Variants in CCDC171 observed in about 807,000 individuals in gnomAD.
CCDC171 encodes coiled-coil domain containing 171.
A neutral mutation model predicts 168.2 loss-of-function variants in CCDC171; 177 were observed. The ratio of observed to expected loss-of-function variants is 1.05; its 90% CI spans 0.93 to 1.19. CCDC171 has a LOEUF of 1.19. Ranked by LOEUF, CCDC171 falls within the 50% of genes most tolerant of loss-of-function variation. CCDC171 has a pLI of 0.00. For synonymous variants in CCDC171, 687 were observed against 540.8 expected, an observed-to-expected ratio of 1.27 and a Z score of -3.75; for missense variants, 1,991 against 1,539.0, an observed-to-expected ratio of 1.29 and a Z score of -4.91.
intron 6 of CCDC171, among the ~76,000 whole-genome samples, chr9:15,611,109 GT>G (rs1320304554): frequency 6.6e-6 from 1 of 152,080 alleles, no homozygotes; most frequent in African/African-American, 2.4e-5. Flanking sequence ...ATTTAAAAGT[GT>G]GTAGCGCCTC....
intron 23 of CCDC171, among the ~76,000 whole-genome samples, chr9:15,863,397 G>T (rs2061642721): frequency 6.6e-6 from 1 of 151,978 alleles, no homozygotes; most frequent in African/African-American, 2.4e-5. Context: ...GTGTGTCCAT[G>T]GGGGAAGGAG....
chr9:15,610,967 A>G (rs2131844708), intron 6 of CCDC171, among the ~76,000 whole-genome samples: 1 of 152,212 alleles, frequency 6.6e-6, no homozygotes, highest in African/African-American at 2.4e-5. Context: ...CTCATATTGA[A>G]ATGTAATCAC....
rs1339252444 is a variant in CCDC171 at position 15,567,887 on chromosome 9, C to G, written c.42-3737C>G. Among the ~76,000 whole-genome samples the G allele has an allele frequency of 2.0e-5, 3 of 152,064 alleles. 1 individual carries two copies. The highest frequency in any genetic ancestry group is 6.5e-5 in the Admixed American group (1 of 15,270). On this transcript the variant is annotated intron_variant, in intron 2 of 25. Coordinates refer to ENST00000380701, the MANE Select transcript of CCDC171 (RefSeq NM_173550.4). ...CAGGCTGGTCTTGAACTCCTGGCCT[C>G]AAGTGATCCTCCTGCCTTGGCTTCC...
chr9:15,563,891 A>G (rs1181442055), intron 1 of CCDC171, 87 bp from the exon 2 acceptor site: 2 of 533,724 alleles, frequency 3.7e-6, no homozygotes, highest in Non-Finnish European at 3.3e-6. Flanking sequence ...CAATTATTAC[A>G]TCTTTCCAAA....
chr9:15,715,056 A>G (rs1363901626), intron 11 of CCDC171, among the ~76,000 whole-genome samples: 1 of 152,162 alleles, frequency 6.6e-6, no homozygotes, highest in Non-Finnish European at 1.5e-5. Context: ...AATTCAGGGA[A>G]CCCATTTTGA....
intron 22 of CCDC171, among the ~76,000 whole-genome samples, chr9:15,848,002 G>T (rs1181802999): frequency 6.6e-6 from 1 of 151,958 alleles, no homozygotes; most frequent in Non-Finnish European, 1.5e-5. Context: ...AGTTTTTGTT[G>T]TTATTGTTCA....
downstream of CCDC171, among the ~76,000 whole-genome samples, chr9:16,065,172 T>C (rs1215900619): frequency 6.6e-6 from 1 of 152,208 alleles, no homozygotes; most frequent in Non-Finnish European, 1.5e-5. Flanking sequence ...GATAAAATTT[T>C]CATAAGGGAA....
At chr9:15,669,950 CT>C (rs1181880478) in intron 9 of CCDC171, among the ~76,000 whole-genome samples, 4 of 55,442 alleles carry the variant, frequency 7.2e-5, no homozygotes, top group Non-Finnish European at 1.0e-4. Flanking sequence ...TAGCTGAAGT[CT>C]TAAAAAAAAA....
chr9:15,557,541 C>G (rs192547734), intron 1 of CCDC171, among the ~76,000 whole-genome samples: 2 of 151,498 alleles, frequency 1.3e-5, no homozygotes, highest in Non-Finnish European at 3.0e-5. Context: ...GGCTTTCTGT[C>G]TGTTATTGGT....
intron 14 of CCDC171, among the ~76,000 whole-genome samples, chr9:15,725,365 C>A (rs1285911864): frequency 6.6e-6 from 1 of 152,166 alleles, no homozygotes; most frequent in Non-Finnish European, 1.5e-5. Context: ...TAGACCTGAA[C>A]TTGGATGCTA....
intron 1 of CCDC171, among the ~76,000 whole-genome samples, chr9:16,047,567 C>T (rs1833681071): frequency 6.6e-6 from 1 of 152,276 alleles, no homozygotes; most frequent in South Asian, 2.1e-4. Flanking sequence ...GATATATGAC[C>T]ATCACCAAAT....
intron 21 of CCDC171, among the ~76,000 whole-genome samples, chr9:15,835,183 A>G (rs1212943364): frequency 2.0e-5 from 3 of 152,240 alleles, no homozygotes; most frequent in African/African-American, 7.2e-5. Context: ...TTTATTCCCT[A>G]GAGGGAAACA....
intron 8 of CCDC171, among the ~76,000 whole-genome samples, chr9:15,662,775 G>T (rs541091580): frequency 6.6e-6 from 1 of 151,732 alleles, no homozygotes; most frequent in Non-Finnish European, 1.5e-5. Flanking sequence ...CAGGAGTTCG[G>T]GACCAGCCTG....
chr9:16,048,904 A>T (rs2133067728), intron 1 of CCDC171, among the ~76,000 whole-genome samples: 1 of 151,396 alleles, frequency 6.6e-6, no homozygotes, highest in East Asian at 2.0e-4. Flanking sequence ...CAATAGGCTG[A>T]GAGACAGAAG....
At chr9:15,723,423 A>G (rs1006760015) in intron 12 of CCDC171, among the ~76,000 whole-genome samples, 1 of 152,222 alleles carries the variant, frequency 6.6e-6, no homozygotes, top group African/African-American at 2.4e-5. Context: ...TGTGGTAAAA[A>G]TATAGTAACA....
At chr9:15,670,422 A>G (rs1442643265) in intron 9 of CCDC171, among the ~76,000 whole-genome samples, 1 of 152,192 alleles carries the variant, frequency 6.6e-6, no homozygotes, top group East Asian at 1.9e-4. Flanking sequence ...CATGAAAAAC[A>G]GCAGTTTCAT....
In CCDC171 at chr9:15,576,133, T is replaced by TTGTGTGTGTGTG. The variant is rs202239015; in HGVS notation, c.178-2700_178-2689dup. Among the ~76,000 whole-genome samples the TTGTGTGTGTGTG allele has an allele frequency of 4.7e-4, 68 of 145,508 alleles. 1 individual carries two copies. The highest frequency in any genetic ancestry group is 1.7e-3 in the African/African-American group (66 of 39,136). ...TAGCTACATATATATCATATTTCAG[T>TTGTGTGTGTGTG]TGTGTGTGTGTGTGTGTGTGTGTGT... On this transcript the variant is annotated intron_variant, in intron 3 of 25. Coordinates refer to ENST00000380701, the MANE Select transcript of CCDC171 (RefSeq NM_173550.4).
chr9:15,941,581 A>G (rs977048066), intron 25 of CCDC171, among the ~76,000 whole-genome samples: 3 of 152,004 alleles, frequency 2.0e-5, no homozygotes, highest in African/African-American at 7.2e-5. Context: ...TTCTTATACC[A>G]ACGCTTGATA....
chr9:15,670,020 C>A lies in CCDC171; in HGVS notation c.1076+3697C>A, dbSNP rs757842811. 9.1e-4 allele frequency among the ~76,000 whole-genome samples: 134 copies of A among 147,334 alleles called. 2 individuals carry two copies. Among genetic ancestry groups the A allele is most frequent in the Non-Finnish European group, 1.6e-3 (110 of 67,110 alleles). On this transcript the variant is annotated intron_variant, in intron 9 of 25. Coordinates refer to ENST00000380701, the MANE Select transcript of CCDC171 (RefSeq NM_173550.4). Reference sequence around the variant, plus strand: ...AGAAGGGATCCTAGCTACAAACTTACTTCTCCTCTCTTCCCTTTCTTGCCT... The same window carrying A: ...AGAAGGGATCCTAGCTACAAACTTAATTCTCCTCTCTTCCCTTTCTTGCCT...
Sources: allele counts gnomAD v4.1 joint callset (sites outside exome capture counted in the v4.1 genomes callset), GRCh38; gene constraint gnomAD v4.1.1; transcripts MANE v1.5; gene names NCBI Gene and HGNC (gene_info 2026-07-23, HGNC 2026-07-21).